SPAG16: variants seen among roughly 807,000 people sequenced by gnomAD.
SPAG16 encodes the protein sperm-associated antigen 16 protein.
SPAG16 carries 86 observed loss-of-function variants against 80.4 expected under a neutral mutation model. That is an observed-to-expected ratio of 1.07 (90% CI 0.90 to 1.28). SPAG16 has a LOEUF of 1.28. Ranked by LOEUF, SPAG16 falls within the 50% of genes most tolerant of loss-of-function variation. The pLI is 0.00. For synonymous variants in SPAG16, 294 were observed against 265.9 expected (o/e 1.11, Z -1.03); for missense variants, 870 against 765.3 (o/e 1.14, Z -1.61).
chr2:213,912,052 TCTGTAAA>T (rs1255490617), intron 11 of SPAG16, among the ~76,000 whole-genome samples: 3 of 152,154 alleles, frequency 2.0e-5, no homozygotes, highest in African/African-American at 7.2e-5. Context: ...GCTAGGTTAT[TCTGTAAA>T]CTGTATTTTA....
Position 213,467,389 on chromosome 2 carries a change from T to A in SPAG16, c.943-22574T>A, listed in dbSNP as rs551400646. Among the ~76,000 whole-genome samples, 4 of 152,280 alleles carry A rather than the reference T, an allele frequency of 2.6e-5. No individual in the cohort carries two copies. The South Asian group carries it at 8.3e-4, about 32-fold the overall frequency. On this transcript the variant is annotated intron_variant, in intron 9 of 15. Transcript: ENST00000331683. ...GCCTGCCTTGGAGCCATAAGGATGG[T>A]AGTTCCCTTATGAGGTAAAATATCC...
intron 10 of SPAG16, among the ~76,000 whole-genome samples, chr2:213,764,949 A>G (rs1233103734): frequency 6.6e-6 from 1 of 152,224 alleles, no homozygotes; most frequent in Non-Finnish European, 1.5e-5. Context: ...TGCTTGACTC[A>G]AGCAAGAGTC....
At chr2:213,833,476 A>AATTT (rs2073824782) in intron 10 of SPAG16, among the ~76,000 whole-genome samples, 1 of 5,020 alleles carries the variant, frequency 2.0e-4, no homozygotes, top group African/African-American at 4.2e-4. Flanking sequence ...TATATATAAT[A>AATTT]ATATATATAT....
chr2:214,122,597 A>G (rs552592968), intron 14 of SPAG16, among the ~76,000 whole-genome samples: 70 of 152,034 alleles, frequency 4.6e-4, no homozygotes, highest in African/African-American at 1.6e-3. Flanking sequence ...GCAAACAACA[A>G]TTAGGTCATA....
intron 10 of SPAG16, among the ~76,000 whole-genome samples, chr2:213,833,469 AT>A (rs2073818048): frequency 4.8e-5 from 1 of 21,012 alleles, no homozygotes; most frequent in Non-Finnish European, 9.1e-5. Flanking sequence ...TATATATTAT[AT>A]ATAATAATAT....
At chr2:213,792,483 G>A (rs1575149668) in intron 10 of SPAG16, among the ~76,000 whole-genome samples, 1 of 138,792 alleles carries the variant, frequency 7.2e-6, no homozygotes, top group South Asian at 2.3e-4. Context: ...AATGACTATT[G>A]TAAACATGTT....
chr2:213,490,150 A>G (rs2125727664), intron 10 of SPAG16, 60 bp downstream of exon 10: 3 of 1,463,062 alleles, frequency 2.1e-6, no homozygotes, highest in South Asian at 2.8e-5. Flanking sequence ...CAAAATTTTA[A>G]TGCTCTTACA....
chr2:213,856,379 G>T (rs2075168833), intron 10 of SPAG16, among the ~76,000 whole-genome samples: 1 of 152,148 alleles, frequency 6.6e-6, no homozygotes, highest in African/African-American at 2.4e-5. Context: ...GGTGCACAGT[G>T]CAAGCTGTCA....
intron 15 of SPAG16, among the ~76,000 whole-genome samples, chr2:214,299,275 G>A (rs139933935): frequency 0.022 from 3,180 of 145,652 alleles, 137 homozygotes; most frequent in African/African-American, 0.078. Flanking sequence ...TTTTGAGACG[G>A]GGTCTTGCTG....
At chr2:214,371,491 C>A (rs1417162000) in intron 15 of SPAG16, among the ~76,000 whole-genome samples, 13 of 142,870 alleles carry the variant, frequency 9.1e-5, no homozygotes, top group Admixed American at 2.1e-4. Context: ...AAGATTACAC[C>A]ATTGCACTCC....
chr2:213,623,837 C>G (rs185321232), intron 10 of SPAG16, among the ~76,000 whole-genome samples: 86 of 152,072 alleles, frequency 5.7e-4, no homozygotes, highest in African/African-American at 2.0e-3. Context: ...TACCTTGTCT[C>G]TCAATATTCT....
chr2:214,407,097 A>C (rs1702035869), intron 15 of SPAG16, among the ~76,000 whole-genome samples: 1 of 152,068 alleles, frequency 6.6e-6, no homozygotes, highest in Non-Finnish European at 1.5e-5. Flanking sequence ...TACATAACAG[A>C]TGTTTAAACA....
intron 9 of SPAG16, among the ~76,000 whole-genome samples, chr2:213,483,362 G>C (rs544833516): frequency 6.6e-6 from 1 of 152,258 alleles, no homozygotes; most frequent in African/African-American, 2.4e-5. Flanking sequence ...TAACATAATT[G>C]ATACATATTG....
chr2:213,836,173 T>TTC (rs2074061369), intron 10 of SPAG16, among the ~76,000 whole-genome samples: 1 of 90,942 alleles, frequency 1.1e-5, no homozygotes, highest in Non-Finnish European at 2.5e-5. Flanking sequence ...ATTTTCATTA[T>TTC]TCGCCCCCCC....
intron 14 of SPAG16, among the ~76,000 whole-genome samples, chr2:214,144,400 A>T (rs1479711567): frequency 6.8e-6 from 1 of 146,604 alleles, no homozygotes; most frequent in Admixed American, 6.9e-5. Context: ...TTTGGCATAA[A>T]TTTTTCCATG....
chr2:214,370,828 G>GT (rs1435085111), intron 15 of SPAG16, among the ~76,000 whole-genome samples: 2 of 152,066 alleles, frequency 1.3e-5, no homozygotes, highest in Non-Finnish European at 2.9e-5. Context: ...AAAATCTAAC[G>GT]TGTTTATTTC....
At chr2:213,843,764 T>A (rs1411611768) in intron 10 of SPAG16, among the ~76,000 whole-genome samples, 1 of 151,946 alleles carries the variant, frequency 6.6e-6, no homozygotes, top group Non-Finnish European at 1.5e-5. Context: ...GGCAGGAGAA[T>A]CTCTAGAACC....
chr2:213,392,446 G>A (rs1160800648), intron 9 of SPAG16, among the ~76,000 whole-genome samples: 1 of 152,126 alleles, frequency 6.6e-6, no homozygotes, highest in Admixed American at 6.5e-5. Context: ...CACACATGGA[G>A]TTTCTAAAAA....
chr2:213,503,231 G>A (rs1264432126), intron 10 of SPAG16, among the ~76,000 whole-genome samples: 1 of 152,152 alleles, frequency 6.6e-6, no homozygotes, highest in African/African-American at 2.4e-5. Flanking sequence ...GAATATATGA[G>A]TTAAGCAATG....
Sources: allele counts gnomAD v4.1 joint callset (sites outside exome capture counted in the v4.1 genomes callset), GRCh38; gene constraint gnomAD v4.1.1; transcripts MANE v1.5; gene names NCBI Gene and HGNC (gene_info 2026-07-23, HGNC 2026-07-21).